Variants in SPOUT1 observed in about 807,000 individuals in gnomAD.
SPOUT1 encodes 28S rRNA (uridine-N(3))-methyltransferase.
In SPOUT1, 40 loss-of-function variants were observed where a neutral mutation model predicts 54.8. The ratio of observed to expected loss-of-function variants is 0.73; its 90% CI spans 0.57 to 0.95. The LOEUF is 0.95. SPOUT1 is among the 40% of genes least tolerant of loss of function. The probability of loss-of-function intolerance (pLI) is 0.00; values close to 1 mark genes in which losing one functional copy is unlikely to be tolerated. For synonymous variants in SPOUT1, 193 were observed against 200.3 expected, an observed-to-expected ratio of 0.96 and a Z score of 0.31; for missense variants, 437 against 499.5, an observed-to-expected ratio of 0.87 and a Z score of 1.19.
At chr9:128,827,858 T>A (rs973794367) in intron 3 of SPOUT1, among the ~76,000 whole-genome samples, 10 of 152,104 alleles carry the variant, frequency 6.6e-5, no homozygotes, top group Admixed American at 3.9e-4. Context: ...GAAGTGGAGA[T>A]TGCAGTGAGC....
Position 128,824,757 on chromosome 9 carries a change from A to C in SPOUT1, c.811+14T>G. The C allele has an allele frequency of 6.3e-7, 1 of 1,593,288 alleles. No homozygotes were observed. The highest frequency in any genetic ancestry group is 1.1e-5 in the South Asian group (1 of 90,604). On this transcript the variant is annotated intron_variant, in intron 9 of 11. Coordinates refer to ENST00000361256, the MANE Select transcript of SPOUT1 (RefSeq NM_016390.4). ...GGATGGATGGATATTCAGAGAAGTAAGGTCTGTCCTTACTGAGGCAGGAAG... is the reference window on the plus strand; with the variant it reads ...GGATGGATGGATATTCAGAGAAGTACGGTCTGTCCTTACTGAGGCAGGAAG...
chr9:128,820,449 A>C lies in SPOUT1; in HGVS notation c.*2316T>G. 2.6e-6 allele frequency: 1 copy of C among 383,734 alleles called. No homozygotes were observed. The highest frequency in any genetic ancestry group is 4.8e-6 in the Non-Finnish European group (1 of 209,194). The allele number at this position is 383,734 out of a possible 1,614,324, so 23.8% of individuals were successfully genotyped here. ...GGAGACCCTGGGTGGGGCTGGGGACAGGCCTCAGTCCTCTCTGAAAGGTGG... is the reference window on the plus strand; with the variant it reads ...GGAGACCCTGGGTGGGGCTGGGGACCGGCCTCAGTCCTCTCTGAAAGGTGG... On this transcript the variant is annotated 3_prime_UTR_variant, in exon 12 of 12. Transcript: ENST00000361256.
intron 7 of SPOUT1, among the ~76,000 whole-genome samples, chr9:128,825,285 T>C (rs1357959073): frequency 6.6e-6 from 1 of 152,082 alleles, no homozygotes; most frequent in Non-Finnish European, 1.5e-5. Context: ...AGGATAGAAG[T>C]AGATGAAACT....
At position 128,823,204 on chromosome 9, in the gene SPOUT1, C is replaced by T. The variant is rs542957645; in HGVS notation, c.1063-371G>A. ...TCAGGCTCAGAGTGCTCGGCTTGGG[C>T]AAGGCCTTAGGGATGGGTAGACAGG... is the stretch of plus-strand genomic sequence containing the variant. On this transcript the variant is annotated intron_variant, in intron 11 of 11. Transcript: ENST00000361256. Among the ~76,000 whole-genome samples the T allele has an allele frequency of 5.9e-5, 9 of 152,272 alleles. No individual in the cohort carries two copies. In the South Asian group the frequency reaches 1.4e-3, roughly 25 times the overall value.
rs1368186252 is a variant in SPOUT1 at position 128,822,434 on chromosome 9, G to A, written c.*331C>T. 6.2e-7 allele frequency: 1 copy of A among 1,600,248 alleles called. No individual in the cohort carries two copies. Reference sequence around the variant, plus strand: ...GGTGCTGATCCTGGAGGCAGCAGGTGGGCAAATTGAGCTCCGCACCTACGT... The same window carrying A: ...GGTGCTGATCCTGGAGGCAGCAGGTAGGCAAATTGAGCTCCGCACCTACGT... On this transcript the variant is annotated 3_prime_UTR_variant, in exon 12 of 12. Transcript: ENST00000361256.
In SPOUT1 at chr9:128,827,065, A is replaced by T; in HGVS notation, c.335T>A (p.Ile112Asn). The T allele has an allele frequency of 6.2e-7, 1 of 1,613,986 alleles. No individual in the cohort carries two copies. Among genetic ancestry groups the T allele is most frequent in the Non-Finnish European group, 8.5e-7 (1 of 1,180,004 alleles). ...RACAIFCVDE[I>N]VVFDEEGQDA... ...CTGGCCCTCCTCATCAAACACCACG[A>T]TCTCATCCACACAGAAGATGGCACA... The change falls in exon 4 of 12, where the codon ATC becomes AAC. Residue 112 changes from isoleucine to asparagine, a missense_variant. Physicochemically the swap from Ile to Asn is moderately radical, Grantham distance 149. Coordinates refer to ENST00000361256, the MANE Select transcript of SPOUT1 (RefSeq NM_016390.4).
chr9:128,822,920 G>C, intron 11 of SPOUT1, 87 bp from the exon 12 acceptor site: 2 of 1,005,072 alleles, frequency 2.0e-6, no homozygotes, highest in Non-Finnish European at 2.9e-6. Flanking sequence ...CTGGCTGCCC[G>C]AGACCTGGCC....
intron 3 of SPOUT1, 23 bp downstream of exon 3, chr9:128,828,712 C>A (rs991119794): frequency 6.2e-7 from 1 of 1,612,062 alleles, no homozygotes; most frequent in East Asian, 2.2e-5. Context: ...CAACCTGTGG[C>A]CCTCCCCAAG....
In SPOUT1 at chr9:128,821,742, GACCTGTGTCCCCCTCTGCAAA is replaced by G; in HGVS notation, c.*1002_*1022del. On this transcript the variant is annotated 3_prime_UTR_variant, in exon 12 of 12. Transcript: ENST00000361256. ...TAGTTCCTTGGTGCTGTGGGCAAAT[GACCTGTGTCCCCCTCTGCAAA>G]ACCTGTGACCTCTTGGTTGATGTCA... The G allele has an allele frequency of 6.2e-6, 1 of 161,118 alleles. No homozygotes were observed. The highest frequency in any genetic ancestry group is 2.4e-5 in the African/African-American group (1 of 41,590). The allele number at this position is 161,118 out of a possible 1,614,324, so 10.0% of individuals were successfully genotyped here. A position where few individuals can be genotyped will look rare whatever the true frequency, so the allele number is the denominator to read the frequency against.
intron 1 of SPOUT1, 53 bp downstream of exon 1, chr9:128,829,692 T>C: frequency 7.1e-7 from 1 of 1,405,574 alleles, no homozygotes; most frequent in South Asian, 1.2e-5. Flanking sequence ...ACGCCACTGG[T>C]TCTCACGCCT....
chr9:128,829,616 C>T (rs1395787643), intron 1 of SPOUT1, 129 bp downstream of exon 1: 2 of 728,686 alleles, frequency 2.7e-6, no homozygotes, highest in East Asian at 2.8e-5. Flanking sequence ...CCTTCGGGGG[C>T]TTCCGGCCTG....
At chr9:128,827,908 G>A (rs1029707279) in intron 3 of SPOUT1, among the ~76,000 whole-genome samples, 7 of 151,720 alleles carry the variant, frequency 4.6e-5, no homozygotes, top group South Asian at 4.2e-4. Flanking sequence ...GCAACAGAGC[G>A]AGACTGTGTC....
At position 128,822,955 on chromosome 9, in the gene SPOUT1, G is replaced by C. The variant is rs569132609; in HGVS notation, c.1063-122C>G. ...CCACTGGGGTCCCCTGTCCTTAGTAGGGCCTGGTGAGGTTAATGACAGGCC... is the reference window on the plus strand; with the variant it reads ...CCACTGGGGTCCCCTGTCCTTAGTACGGCCTGGTGAGGTTAATGACAGGCC... On this transcript the variant is annotated intron_variant, in intron 11 of 11. Transcript: ENST00000361256. 8.3e-5 allele frequency: 57 copies of C among 688,222 alleles called. 2 individuals are homozygous for C. Among genetic ancestry groups the C allele is most frequent in the East Asian group, 8.1e-4 (30 of 36,930 alleles). The allele number at this position is 688,222 out of a possible 1,614,324, so 42.6% of individuals were successfully genotyped here.
At chr9:128,828,495 CA>C (rs11475667) in intron 3 of SPOUT1, among the ~76,000 whole-genome samples, 55,801 of 141,666 alleles carry the variant, frequency 0.39, 12,504 homozygotes, top group African/African-American at 0.65. Context: ...GACTCCATCT[CA>C]AAAAAAAAAA....
intron 11 of SPOUT1, 92 bp from the exon 12 acceptor site, chr9:128,822,925 CT>C: frequency 1.1e-6 from 1 of 918,252 alleles, no homozygotes; most frequent in Non-Finnish European, 1.7e-6. Flanking sequence ...TGCCCGAGAC[CT>C]GGCCCACTGG....
At position 128,828,732 on chromosome 9, in the gene SPOUT1, C is replaced by T. The variant is rs1253112079; in HGVS notation, c.208+3G>A. The stretch of plus-strand genomic sequence containing the variant: ...TGTGGCCCTCCCCAAGACCCCAGCT[C>T]ACCGCGGTCCTCCTTCTCTGCCGCT... On this transcript the variant is annotated splice_donor_region_variant and intron_variant, in intron 3 of 11. Coordinates refer to ENST00000361256, the MANE Select transcript of SPOUT1 (RefSeq NM_016390.4). The T allele has an allele frequency of 3.1e-6, 5 of 1,613,354 alleles. No individual in the cohort carries two copies. The highest frequency in any genetic ancestry group is 2.5e-6 in the Non-Finnish European group (3 of 1,180,022).
In SPOUT1 at chr9:128,822,342, G is replaced by A; in HGVS notation, c.*423C>T. 1.2e-6 allele frequency: 2 copies of A among 1,613,668 alleles called. No individual in the cohort carries two copies. The highest frequency in any genetic ancestry group is 1.7e-6 in the Non-Finnish European group (2 of 1,179,838). ...TCTGCCCACAGGACAGAGGCTGATG[G>A]GAAATCCTACGTAAAGTACCAGGTC... On this transcript the variant is annotated 3_prime_UTR_variant, in exon 12 of 12. Coordinates refer to ENST00000361256, the MANE Select transcript of SPOUT1 (RefSeq NM_016390.4).
chr9:128,829,567 C>T (rs186601729), intron 1 of SPOUT1, among the ~76,000 whole-genome samples, 178 bp downstream of exon 1: 2,321 of 152,330 alleles, frequency 0.015, 20 homozygotes, highest in Middle Eastern at 0.027. Flanking sequence ...CCGGAGAGGA[C>T]ACGGGCGCTG....
Position 128,829,767 on chromosome 9 carries a change from C to A in SPOUT1, c.14G>T (p.Gly5Val), listed in dbSNP as rs762426960. The change falls in exon 1 of 12, where the codon GGC (glycine) becomes GTC (valine). Residue 5 changes from glycine to valine, a missense_variant. Coordinates refer to ENST00000361256, the MANE Select transcript of SPOUT1 (RefSeq NM_016390.4). MAERGRKRPCGPGEH... is the reference protein window; with the variant it reads MAERVRKRPCGPGEH... ...TACCGGGCCGCACGGCCGCTTCCTG[C>A]CGCGCTCCGCCATGTTCCGCACACA... The A allele has an allele frequency of 1.2e-6, 2 of 1,602,144 alleles. No homozygotes were observed. Among genetic ancestry groups the A allele is most frequent in the Non-Finnish European group, 1.7e-6 (2 of 1,175,140 alleles).
Sources: allele counts gnomAD v4.1 joint callset (sites outside exome capture counted in the v4.1 genomes callset), GRCh38; gene constraint gnomAD v4.1.1; transcripts MANE v1.5; gene names NCBI Gene and HGNC (gene_info 2026-07-23, HGNC 2026-07-21).